Variants in TTC28 observed in about 807,000 individuals in gnomAD.
TTC28 encodes tetratricopeptide repeat protein 28.
Under a neutral mutation model 198.0 loss-of-function variants are expected in TTC28, and 61 were observed. That is an observed-to-expected ratio of 0.31 (90% CI 0.25 to 0.38). The LOEUF is 0.38. Among genes scored for constraint, TTC28 ranks in the 10% least tolerant of loss-of-function variants. The pLI is 1.00. For missense variants in TTC28, 2,678 were observed against 3,164.0 expected (o/e 0.85, Z 3.69); for synonymous variants, 1,171 against 1,297.8 (o/e 0.90, Z 2.10).
intron 1 of TTC28, among the ~76,000 whole-genome samples, chr22:28,639,609 G>C (rs1342930575): frequency 6.6e-6 from 1 of 152,128 alleles, no homozygotes; most frequent in Non-Finnish European, 1.5e-5. Context: ...AGTCTCACAA[G>C]ATCTGACGGT....
chr22:28,063,461 C>A (rs749373279), intron 12 of TTC28, among the ~76,000 whole-genome samples: 1 of 152,170 alleles, frequency 6.6e-6, no homozygotes, highest in Admixed American at 6.6e-5. Flanking sequence ...GACACCCCTC[C>A]AGAATCTGTG....
chr22:28,265,548 T>C (rs1410690740), intron 5 of TTC28, among the ~76,000 whole-genome samples: 1 of 152,146 alleles, frequency 6.6e-6, no homozygotes, highest in Non-Finnish European at 1.5e-5. Flanking sequence ...AAGAGAAGCT[T>C]AGTAAATGGG....
At chr22:28,261,896 T>A (rs1211499296) in intron 5 of TTC28, among the ~76,000 whole-genome samples, 1 of 152,096 alleles carries the variant, frequency 6.6e-6, no homozygotes, top group Non-Finnish European at 1.5e-5. Context: ...AGAACATAGT[T>A]CAGATCTAAG....
chr22:28,537,249 C>A (rs931460439), intron 2 of TTC28, among the ~76,000 whole-genome samples: 3 of 143,456 alleles, frequency 2.1e-5, no homozygotes, highest in Non-Finnish European at 3.1e-5. Flanking sequence ...GTCGAGATTG[C>A]GCCACTGCAC....
intron 2 of TTC28, among the ~76,000 whole-genome samples, chr22:28,358,952 T>C (rs2046118171): frequency 6.6e-6 from 1 of 152,214 alleles, no homozygotes; most frequent in South Asian, 2.1e-4. Flanking sequence ...AGCTAAGTAA[T>C]ATGGGGATGG....
chr22:28,181,818 G>C (rs1326446705), intron 5 of TTC28, among the ~76,000 whole-genome samples: 1 of 152,100 alleles, frequency 6.6e-6, no homozygotes, highest in East Asian at 1.9e-4. Context: ...AGCTGGGCAT[G>C]GGGAGGCCGA....
rs576372180 is a variant in TTC28 at position 28,631,323 on chromosome 22, C to T, written c.103-1493G>A. Among the ~76,000 whole-genome samples the T allele has an allele frequency of 2.0e-5, 3 of 152,258 alleles. No individual in the cohort carries two copies. The South Asian group carries it at 6.2e-4, about 32-fold the overall frequency. On this transcript the variant is annotated intron_variant, in intron 1 of 22. Transcript: ENST00000397906. ...GGCAAATTTGGTGACTATAATTTGG[C>T]TACTACCATGAAATTTCAAAGACAA...
chr22:28,356,696 G>A (rs1385062539), intron 2 of TTC28, among the ~76,000 whole-genome samples: 1 of 152,212 alleles, frequency 6.6e-6, no homozygotes, highest in Non-Finnish European at 1.5e-5. Context: ...AGCCCTGTCA[G>A]GGGTGGAGAG....
chr22:28,360,048 C>T (rs1391217153), intron 2 of TTC28, among the ~76,000 whole-genome samples: 2 of 152,096 alleles, frequency 1.3e-5, no homozygotes, highest in Non-Finnish European at 2.9e-5. Context: ...AGCTTGCAGT[C>T]AGGTCTCATT....
chr22:28,481,070 C>A (rs1454546532), intron 2 of TTC28, among the ~76,000 whole-genome samples: 2 of 152,178 alleles, frequency 1.3e-5, no homozygotes, highest in Non-Finnish European at 2.9e-5. Flanking sequence ...GCCTTAACTA[C>A]TATGCTATTC....
chr22:28,141,840 G>A (rs1943343883), intron 6 of TTC28, among the ~76,000 whole-genome samples: 1 of 151,934 alleles, frequency 6.6e-6, no homozygotes, highest in Non-Finnish European at 1.5e-5. Flanking sequence ...CCACAACCAC[G>A]AAACCTCTTC....
chr22:28,460,288 T>C (rs1270277047), intron 2 of TTC28, among the ~76,000 whole-genome samples: 1 of 152,158 alleles, frequency 6.6e-6, no homozygotes, highest in African/African-American at 2.4e-5. Context: ...TTTTTTTGTT[T>C]AACTAGTTTT....
intron 2 of TTC28, among the ~76,000 whole-genome samples, chr22:28,417,107 G>A (rs911730394): frequency 3.3e-5 from 5 of 151,906 alleles, no homozygotes; most frequent in Non-Finnish European, 7.4e-5. Flanking sequence ...TAAAATCACT[G>A]TTGAGGCACG....
At chr22:28,503,543 TAA>T (rs1243586847) in intron 2 of TTC28, among the ~76,000 whole-genome samples, 1 of 152,166 alleles carries the variant, frequency 6.6e-6, no homozygotes, top group Non-Finnish European at 1.5e-5. Context: ...TCTGTAGCTA[TAA>T]AAAGAGAATA....
chr22:28,165,266 C>T (rs1341371091), intron 5 of TTC28, among the ~76,000 whole-genome samples: 3 of 152,164 alleles, frequency 2.0e-5, no homozygotes, highest in African/African-American at 7.2e-5. Flanking sequence ...AGGGTATTAT[C>T]CAGGAGAACT....
chr22:28,323,409 A>T (rs186851121), intron 2 of TTC28, among the ~76,000 whole-genome samples: 7 of 152,352 alleles, frequency 4.6e-5, no homozygotes, highest in African/African-American at 1.7e-4. Flanking sequence ...CTATCAGATA[A>T]ATTTAATAAA....
chr22:28,304,586 G>T (rs1306605532), intron 3 of TTC28, among the ~76,000 whole-genome samples: 1 of 152,128 alleles, frequency 6.6e-6, no homozygotes, highest in Non-Finnish European at 1.5e-5. Context: ...ACATAAGATG[G>T]GAAAGAACCT....
At chr22:28,071,156 G>T (rs1018466196) in intron 12 of TTC28, among the ~76,000 whole-genome samples, 2 of 152,048 alleles carry the variant, frequency 1.3e-5, no homozygotes, top group African/African-American at 4.8e-5. Flanking sequence ...AAAATGATGT[G>T]TTATCTCCTG....
chr22:28,674,265 G>GTTTTTT (rs943369337), intron 1 of TTC28, among the ~76,000 whole-genome samples: 3 of 107,664 alleles, frequency 2.8e-5, no homozygotes, highest in Non-Finnish European at 3.9e-5. Context: ...TTTCTTTGTG[G>GTTTTTT]TTTTTTTTTT....
Sources: gnomAD v4.1 joint callset for allele counts (sites outside exome capture counted in the v4.1 genomes callset) on GRCh38, gnomAD v4.1.1 for gene constraint, MANE v1.5 for transcripts, NCBI Gene and HGNC (gene_info 2026-07-23, HGNC 2026-07-21) for gene names.